NXPE2: variants seen among roughly 807,000 people sequenced by gnomAD.
NXPE2 encodes the protein neurexophilin and PC-esterase domain family member 2.
Under a neutral mutation model 34.4 loss-of-function variants are expected in NXPE2, and 34 were observed. The observed-to-expected ratio is 0.99, with a 90% CI of 0.75 to 1.31. NXPE2 has a LOEUF of 1.31. NXPE2 is among the 40% of genes most tolerant of loss of function. The pLI is 0.00. For synonymous variants in NXPE2, 235 were observed against 231.3 expected (o/e 1.02, Z -0.15); for missense variants, 649 against 672.5 (o/e 0.97, Z 0.39).
At chr11:114,566,388 A>G in the NXPE2 span, among the ~76,000 whole-genome samples, 2 of 151,850 alleles carry the variant, frequency 1.3e-5, no homozygotes, top group African/African-American at 4.9e-5. Context: ...GGAGGAAAAC[A>G]CAGAGAAATC....
chr11:114,802,744 TATGAC>T, the NXPE2 span, among the ~76,000 whole-genome samples: 1 of 152,192 alleles, frequency 6.6e-6, no homozygotes. Context: ...CCAAGTACAG[TATGAC>T]ATGACATGAT....
chr11:114,579,512 CT>C, the NXPE2 span, among the ~76,000 whole-genome samples: 1 of 152,192 alleles, frequency 6.6e-6, no homozygotes, highest in South Asian at 2.1e-4. Flanking sequence ...CCATGCTTTA[CT>C]TGTGTCTACC....
At chr11:114,600,537 A>G in the NXPE2 span, among the ~76,000 whole-genome samples, 4 of 152,114 alleles carry the variant, frequency 2.6e-5, no homozygotes, top group Non-Finnish European at 5.9e-5. Context: ...TTGCATAGAA[A>G]AAAATTGAGT....
chr11:114,554,301 A>C, the NXPE2 span: 2 of 982,212 alleles, frequency 2.0e-6, no homozygotes, highest in Non-Finnish European at 2.4e-6. Context: ...AGCAGAGGCC[A>C]TGTGTGCCAT....
the NXPE2 span, among the ~76,000 whole-genome samples, chr11:114,795,116 TAGG>T: frequency 6.6e-6 from 1 of 152,118 alleles, no homozygotes; most frequent in Non-Finnish European, 1.5e-5. Flanking sequence ...TGCCCTAAGG[TAGG>T]AGAAGGCTGA....
the NXPE2 span, among the ~76,000 whole-genome samples, chr11:114,577,898 A>G: frequency 6.6e-6 from 1 of 152,180 alleles, no homozygotes; most frequent in African/African-American, 2.4e-5. Flanking sequence ...TATCTATAAT[A>G]ATAAGTATTA....
the NXPE2 span, among the ~76,000 whole-genome samples, chr11:114,807,818 G>C: frequency 6.6e-6 from 1 of 152,018 alleles, no homozygotes; most frequent in South Asian, 2.1e-4. Flanking sequence ...CCCAGGAATT[G>C]AACTCAGCTC....
chr11:114,804,513 G>A, the NXPE2 span, among the ~76,000 whole-genome samples: 3 of 152,216 alleles, frequency 2.0e-5, no homozygotes, highest in African/African-American at 7.2e-5. Context: ...CATTTTATGA[G>A]TGCAGAGGCT....
the NXPE2 span, among the ~76,000 whole-genome samples, chr11:114,610,734 G>A: frequency 6.6e-6 from 1 of 151,938 alleles, no homozygotes; most frequent in Admixed American, 6.6e-5. Context: ...GGTAACCACT[G>A]TTGCCCTTTG....
the NXPE2 span, among the ~76,000 whole-genome samples, chr11:114,779,988 C>T: frequency 3.9e-5 from 6 of 152,256 alleles, no homozygotes; most frequent in African/African-American, 1.2e-4. Context: ...AATCTCACCG[C>T]GAGTGTTTTC....
chr11:114,486,329 C>T, the NXPE2 span, among the ~76,000 whole-genome samples: 1 of 152,088 alleles, frequency 6.6e-6, no homozygotes, highest in East Asian at 1.9e-4. Context: ...ATCTTTTGCC[C>T]ATTTTTAAAT....
chr11:114,698,902 C>A, intron 3 of NXPE2, 124 bp downstream of exon 3: 1 of 939,252 alleles, frequency 1.1e-6, no homozygotes, highest in Non-Finnish European at 1.5e-6. Context: ...TAATTAGGTC[C>A]TCAGAGTCAG....
chr11:114,745,121 G>A, the NXPE2 span, among the ~76,000 whole-genome samples: 1 of 152,160 alleles, frequency 6.6e-6, no homozygotes, highest in Admixed American at 6.5e-5. Context: ...ATTGTTTGAT[G>A]TATATTAGAG....
chr11:114,511,950 T>C, the NXPE2 span, among the ~76,000 whole-genome samples: 128 of 152,356 alleles, frequency 8.4e-4, no homozygotes, highest in African/African-American at 2.9e-3. Flanking sequence ...CATGAGCCAA[T>C]TGAACCTCTT....
At chr11:114,672,205 G>C in the NXPE2 span, among the ~76,000 whole-genome samples, 38 of 151,870 alleles carry the variant, frequency 2.5e-4, no homozygotes, top group African/African-American at 7.5e-4. Context: ...AATTCAACAG[G>C]AGATTTGGGT....
chr11:114,675,956 T>C, upstream of NXPE2, among the ~76,000 whole-genome samples: 1 of 151,854 alleles, frequency 6.6e-6, no homozygotes, highest in Non-Finnish European at 1.5e-5. Context: ...ATGTTTACAG[T>C]CAACTGATTT....
At chr11:114,687,914 G>A (rs1951077998) in intron 2 of NXPE2, among the ~76,000 whole-genome samples, 1 of 151,966 alleles carries the variant, frequency 6.6e-6, no homozygotes, top group African/African-American at 2.4e-5. Context: ...TTATAAAAAT[G>A]CTACTAATTT....
the NXPE2 span, chr11:114,551,200 A>G: frequency 1.1e-4 from 173 of 1,529,658 alleles, no homozygotes; most frequent in African/African-American, 2.1e-3. Flanking sequence ...ATTTGAGGAC[A>G]TGACGAATGT....
At chr11:114,780,604 C>T in the NXPE2 span, among the ~76,000 whole-genome samples, 1 of 152,192 alleles carries the variant, frequency 6.6e-6, no homozygotes, top group Non-Finnish European at 1.5e-5. Flanking sequence ...AGGGAAGTGG[C>T]CCTCTGTACT....
Sources: allele counts gnomAD v4.1 joint callset (sites outside exome capture counted in the v4.1 genomes callset), GRCh38; gene constraint gnomAD v4.1.1; transcripts MANE v1.5; gene names NCBI Gene and HGNC (gene_info 2026-07-23, HGNC 2026-07-21).